SYNPR: variants seen among roughly 807,000 people sequenced by gnomAD.
SYNPR encodes the protein synaptoporin.
In SYNPR, 23 loss-of-function variants were observed where a neutral mutation model predicts 32.9. The observed-to-expected ratio is 0.70, with a 90% CI of 0.50 to 0.99. SYNPR has a LOEUF of 0.99. Ranked by LOEUF, SYNPR falls within the 50% of genes least tolerant of loss-of-function variation. The pLI is 0.00. For synonymous variants in SYNPR, 146 were observed against 135.9 expected, an observed-to-expected ratio of 1.07 and a Z score of -0.52; for missense variants, 318 against 349.3, an observed-to-expected ratio of 0.91 and a Z score of 0.71.
rs982089747 is a variant in SYNPR, at chr3:63,616,079, T to C, written c.*598T>C. ...TATGAAAATTTTCTGGTTTGCACCATGAATTTGTCAAATGGATATTTATAG... is the reference window on the plus strand; with the variant it reads ...TATGAAAATTTTCTGGTTTGCACCACGAATTTGTCAAATGGATATTTATAG... On this transcript the variant is annotated 3_prime_UTR_variant, in exon 6 of 6. Transcript: ENST00000478300. 6.6e-6 allele frequency: 1 copy of C among 152,258 alleles called. No individual in the cohort carries two copies. Among genetic ancestry groups the C allele is most frequent in the Non-Finnish European group, 1.5e-5 (1 of 68,042 alleles). 9.4% of individuals were successfully genotyped at this position (152,258 alleles called of 1,614,324 possible). A position where few individuals can be genotyped will look rare whatever the true frequency, so the allele number is the denominator to read the frequency against.
At chr3:63,360,726 T>C (rs1443349150) in intron 2 of SYNPR, among the ~76,000 whole-genome samples, 1 of 152,206 alleles carries the variant, frequency 6.6e-6, no homozygotes, top group African/African-American at 2.4e-5. Context: ...GCCACTGATA[T>C]TCACATAGCT....
intron 1 of SYNPR, among the ~76,000 whole-genome samples, chr3:63,245,725 GTGTGTGTGTGTGTGTA>G (rs879300619): frequency 0.15 from 15,143 of 98,502 alleles, 846 homozygotes; most frequent in Admixed American, 0.23. Flanking sequence ...GTGTGTGTGT[GTGTGTGTGTGTGTGTA>G]TGTGTGTGTG....
At chr3:63,319,864 G>A (rs981612799) in intron 2 of SYNPR, among the ~76,000 whole-genome samples, 39 of 151,976 alleles carry the variant, frequency 2.6e-4, no homozygotes, top group African/African-American at 9.4e-4. Context: ...TATTTAATCA[G>A]TCTCTAATTA....
chr3:63,275,076 C>T (rs2086562610), upstream of SYNPR, among the ~76,000 whole-genome samples: 1 of 152,180 alleles, frequency 6.6e-6, no homozygotes, highest in African/African-American at 2.4e-5. Context: ...ATTTATGCCC[C>T]ACCAAAGTTA....
chr3:63,519,797 G>A (rs1010980391), intron 3 of SYNPR, among the ~76,000 whole-genome samples: 2 of 152,138 alleles, frequency 1.3e-5, no homozygotes, highest in Non-Finnish European at 2.9e-5. Context: ...GAAAAAGTAT[G>A]CTCTTTAATG....
At chr3:63,431,940 C>T (rs1700004562) in intron 2 of SYNPR, among the ~76,000 whole-genome samples, 1 of 151,814 alleles carries the variant, frequency 6.6e-6, no homozygotes, top group South Asian at 2.1e-4. Flanking sequence ...GCAGAACTCA[C>T]CACACAGGCC....
At chr3:63,471,698 A>G (rs1042635174) in intron 2 of SYNPR, among the ~76,000 whole-genome samples, 2 of 152,286 alleles carry the variant, frequency 1.3e-5, no homozygotes, top group Middle Eastern at 3.4e-3. Context: ...TATGGCTACT[A>G]TTGAGGTAAT....
At chr3:63,246,518 TG>T (rs748899547) in intron 1 of SYNPR, among the ~76,000 whole-genome samples, 1 of 152,044 alleles carries the variant, frequency 6.6e-6, no homozygotes, top group Non-Finnish European at 1.5e-5. Context: ...TATAGAAATA[TG>T]AGACAGAGTG....
intron 3 of SYNPR, among the ~76,000 whole-genome samples, chr3:63,508,483 CA>C (rs1464230843): frequency 6.6e-6 from 1 of 152,086 alleles, no homozygotes; most frequent in Admixed American, 6.6e-5. Context: ...TAAAGTGACT[CA>C]GATATGCTGG....
At chr3:63,265,199 T>A (rs2086474297) in intron 2 of SYNPR, among the ~76,000 whole-genome samples, 2 of 151,416 alleles carry the variant, frequency 1.3e-5, no homozygotes, top group South Asian at 4.2e-4. Flanking sequence ...AATGTGTTTT[T>A]AAGTATACAG....
chr3:63,530,934 T>C (rs1323752597), intron 3 of SYNPR, among the ~76,000 whole-genome samples: 1 of 151,688 alleles, frequency 6.6e-6, no homozygotes, highest in African/African-American at 2.4e-5. Context: ...TGTGGGGGAG[T>C]TTTCATTTGA....
intron 2 of SYNPR, among the ~76,000 whole-genome samples, chr3:63,429,931 G>C (rs1699963058): frequency 2.0e-5 from 3 of 152,174 alleles, no homozygotes. Flanking sequence ...ACCTTATTAG[G>C]ACTATTTGTC....
chr3:63,464,470 T>A (rs1449099079), intron 2 of SYNPR, among the ~76,000 whole-genome samples: 1 of 152,170 alleles, frequency 6.6e-6, no homozygotes, highest in East Asian at 1.9e-4. Flanking sequence ...TCCACTTTTT[T>A]TCTACTTCCT....
intron 4 of SYNPR, among the ~76,000 whole-genome samples, chr3:63,604,704 C>T (rs904658438): frequency 2.6e-5 from 4 of 151,954 alleles, no homozygotes; most frequent in African/African-American, 9.7e-5. Flanking sequence ...GGTACATGAA[C>T]ATTGTTGATA....
At chr3:63,309,240 A>G (rs557284465) in intron 2 of SYNPR, among the ~76,000 whole-genome samples, 2 of 152,104 alleles carry the variant, frequency 1.3e-5, no homozygotes, top group Admixed American at 1.3e-4. Context: ...CTCTACTCAC[A>G]TTCTTGAACA....
chr3:63,441,374 G>C (rs1700168769), intron 2 of SYNPR, among the ~76,000 whole-genome samples: 1 of 152,176 alleles, frequency 6.6e-6, no homozygotes, highest in Non-Finnish European at 1.5e-5. Flanking sequence ...TGGGCTCCGT[G>C]AAGAAACAAT....
At chr3:63,567,034 G>A (rs1460296518) in intron 4 of SYNPR, among the ~76,000 whole-genome samples, 1 of 152,140 alleles carries the variant, frequency 6.6e-6, no homozygotes, top group East Asian at 1.9e-4. Flanking sequence ...TTATTGTCCT[G>A]TTTACATCAA....
At chr3:63,482,728 A>G (rs1043802375) in intron 3 of SYNPR, among the ~76,000 whole-genome samples, 2 of 152,144 alleles carry the variant, frequency 1.3e-5, no homozygotes, top group African/African-American at 4.8e-5. Context: ...CATCTAGGAG[A>G]TATACACACC....
chr3:63,369,185 G>A (rs758923188), intron 2 of SYNPR, among the ~76,000 whole-genome samples: 3 of 152,158 alleles, frequency 2.0e-5, no homozygotes, highest in Non-Finnish European at 2.9e-5. Context: ...CACAAAAGGC[G>A]GCCATGTGAA....
Sources: gnomAD v4.1 joint callset for allele counts (sites outside exome capture counted in the v4.1 genomes callset) on GRCh38, gnomAD v4.1.1 for gene constraint, MANE v1.5 for transcripts, NCBI Gene and HGNC (gene_info 2026-07-23, HGNC 2026-07-21) for gene names.